Variants in NEB observed in about 807,000 individuals in gnomAD.
NEB encodes nebulin, also known as nemaline myopathy type 2.
NEB carries 512 observed loss-of-function variants against 952.2 expected under a neutral mutation model. The ratio of observed to expected loss-of-function variants is 0.54; its 90% CI spans 0.50 to 0.58. The LOEUF (loss-of-function observed/expected upper bound fraction) is 0.58, where lower values mean the gene tolerates loss of function less well. Among genes scored for constraint, NEB ranks in the 20% least tolerant of loss-of-function variants. The probability of loss-of-function intolerance (pLI) is 0.00; values close to 1 mark genes in which losing one functional copy is unlikely to be tolerated. For synonymous variants in NEB, 2,900 were observed against 3,149.8 expected, an observed-to-expected ratio of 0.92 and a Z score of 2.66; for missense variants, 8,428 against 9,231.1, an observed-to-expected ratio of 0.91 and a Z score of 3.56.
chr2:151,560,137 TAAAC>T (rs2095936809), intron 124 of NEB, among the ~76,000 whole-genome samples: 1 of 152,218 alleles, frequency 6.6e-6, no homozygotes, highest in Non-Finnish European at 1.5e-5. Flanking sequence ...AAAGGAGAAT[TAAAC>T]AATTTTTAAA....
At chr2:151,514,505 AAC>A in intron 158 of NEB, 77 bp from the exon 159 acceptor site, 1 of 1,175,774 alleles carries the variant, frequency 8.5e-7, no homozygotes, top group Non-Finnish European at 1.3e-6. Flanking sequence ...GAAAATAAAA[AAC>A]AATTCCAATT....
chr2:151,571,611 T>C (rs2096630726), intron 107 of NEB, among the ~76,000 whole-genome samples: 1 of 152,222 alleles, frequency 6.6e-6, no homozygotes, highest in African/African-American at 2.4e-5. Context: ...GATCTTCCGC[T>C]GAAGCATGAT....
Position 151,489,971 on chromosome 2 carries a change from T to A in NEB, c.25404A>T (p.Gly8468=). The change falls in exon 181 of 182, where the codon GGA becomes GGT. Residue 8468 remains glycine, a splice_region_variant and synonymous_variant. Coordinates refer to ENST00000397345, the MANE Select transcript of NEB (RefSeq NM_001164508.2). ...SSIPSHPSTA[G]KIFRAMYDYM... Reference sequence around the variant, plus strand: ...TTTAAGTGAGTTGTTATTCACTTACTCCAGCAGTAGATGGATGAGATGGGA... The same window carrying A: ...TTTAAGTGAGTTGTTATTCACTTACACCAGCAGTAGATGGATGAGATGGGA... The A allele has an allele frequency of 6.3e-7, 1 of 1,578,230 alleles. No homozygotes were observed. The highest frequency in any genetic ancestry group is 1.1e-5 in the South Asian group (1 of 90,324).
At chr2:151,650,907 C>A in intron 52 of NEB, 22 bp from the exon 53 acceptor site, 1 of 1,582,016 alleles carries the variant, frequency 6.3e-7, no homozygotes, top group Non-Finnish European at 8.6e-7. Flanking sequence ...GAAAACACAG[C>A]TCTTTTAGTA....
rs111753971 is a variant in NEB, at chr2:151,648,188, T to C, written c.7432-1954A>G. 4.1e-3 allele frequency among the ~76,000 whole-genome samples: 631 copies of C among 152,340 alleles called. 9 individuals carry two copies. Among genetic ancestry groups the C allele is most frequent in the African/African-American group, 0.014 (589 of 41,584 alleles). ...TATTTTTTCAACTTTTCTGAGTGCC[T>C]GAAATTATTTCAATAAAAAATTTTT... On this transcript the variant is annotated intron_variant, in intron 54 of 181. Transcript: ENST00000397345.
chr2:151,609,915 G>T lies in NEB; in HGVS notation c.12224C>A (p.Thr4075Asn). Residue 4075 changes from threonine (T) to asparagine (N), a missense_variant, in exon 81 of 182, where the codon ACT becomes AAT. By Grantham distance (65) the Thr-to-Asn change is moderately conservative (BLOSUM62 0). Coordinates refer to ENST00000397345, the MANE Select transcript of NEB (RefSeq NM_001164508.2). ...LSILLAKKCQ[T>N]LVTDIDYRNY... ...GCGATAATCAATGTCAGTGACCAAA[G>T]TCTGACATTTCTTGGCCAGCAAGAT... The T allele has an allele frequency of 6.2e-7, 1 of 1,613,858 alleles. No individual in the cohort carries two copies. The highest frequency in any genetic ancestry group is 1.1e-5 in the South Asian group (1 of 91,068).
intron 29 of NEB, among the ~76,000 whole-genome samples, 165 bp from the exon 30 acceptor site, chr2:151,680,993 C>A (rs1484445087): frequency 3.9e-5 from 6 of 152,106 alleles, no homozygotes; most frequent in Non-Finnish European, 7.4e-5. Flanking sequence ...ATACAAAAGT[C>A]AATATCTTTA....
In NEB at chr2:151,667,809, T is replaced by C. The variant is rs1401060063; in HGVS notation, c.4714A>G (p.Ser1572Gly). 1 of 1,611,460 alleles carries C rather than the reference T, an allele frequency of 6.2e-7. No individual in the cohort carries two copies. Among genetic ancestry groups the C allele is most frequent in the Non-Finnish European group, 8.5e-7 (1 of 1,178,052 alleles). Residue 1572 changes from serine to glycine, a missense_variant, in exon 40 of 182, where the codon AGT becomes GGT. By Grantham distance (56) the Ser-to-Gly change is moderately conservative. Around this residue, in one of 11 missense-constraint regions of NEB, gnomAD observed 2,851 missense variants for 2,791.5 expected, o/e 1.02. Transcript: ENST00000397345. ...TACTTTTAAGTTAGACTTACATCAC[T>C]AGCAATATTCCTTGAACTTTTTGCA... Reference protein sequence around the residue: ...VAAKSSRNIASDCKYKEAYEK... With the variant: ...VAAKSSRNIAGDCKYKEAYEK...
At chr2:151,574,992 G>A (rs2153801958) in intron 107 of NEB, among the ~76,000 whole-genome samples, 1 of 152,218 alleles carries the variant, frequency 6.6e-6, no homozygotes, top group South Asian at 2.1e-4. Context: ...CTCTGGCCTT[G>A]ACCTCCCAAA....
chr2:151,503,500 C>T (rs1575338706), intron 165 of NEB, 59 bp from the exon 166 acceptor site: 11 of 1,157,572 alleles, frequency 9.5e-6, no homozygotes, highest in Non-Finnish European at 1.4e-5. Context: ...CTTTAGATAG[C>T]AGCCACATGT....
chr2:151,697,123 T>C, intron 16 of NEB, 25 bp downstream of exon 16: 1 of 1,555,852 alleles, frequency 6.4e-7, no homozygotes, highest in South Asian at 1.1e-5. Flanking sequence ...GGCAGTCACA[T>C]TCAAAGTTCA....
intron 13 of NEB, among the ~76,000 whole-genome samples, chr2:151,704,462 G>A (rs558259277): frequency 4.1e-5 from 6 of 147,260 alleles, no homozygotes; most frequent in East Asian, 2.0e-4. Context: ...CCCCAGCCTC[G>A]CTGCCGCCTT....
chr2:151,488,347 A>G (rs2052916198), intron 181 of NEB, among the ~76,000 whole-genome samples: 1 of 151,976 alleles, frequency 6.6e-6, no homozygotes, highest in Admixed American at 6.6e-5. Flanking sequence ...TTTCCCCTTT[A>G]TATTTTAAAA....
At chr2:151,490,137 G>A in intron 180 of NEB, 60 bp from the exon 181 acceptor site, 1 of 1,330,612 alleles carries the variant, frequency 7.5e-7, no homozygotes, top group Admixed American at 2.0e-5. Context: ...CCTTTAATCT[G>A]TGTTTAGCAG....
chr2:151,534,245 C>G lies in NEB; in HGVS notation c.21313-699G>C, dbSNP rs200792421. On this transcript the variant is annotated intron_variant, in intron 142 of 181. Coordinates refer to ENST00000397345, the MANE Select transcript of NEB (RefSeq NM_001164508.2). ...TGATCTGGTCGCCTGCGGTCTTAGC[C>G]AGCAGATGTCTAGGCTCATCGACTA... The G allele has an allele frequency of 3.8e-5, 61 of 1,613,664 alleles. No homozygotes were observed. In the African/African-American group the frequency reaches 7.1e-4, roughly 19 times the overall value.
At chr2:151,555,539 T>C (rs565538052) in intron 124 of NEB, among the ~76,000 whole-genome samples, 3 of 152,176 alleles carry the variant, frequency 2.0e-5, no homozygotes, top group South Asian at 2.1e-4. Context: ...AAAAATACAG[T>C]GCAATCAACT....
In NEB at chr2:151,656,323, T is replaced by G. The variant is rs578023308; in HGVS notation, c.6325A>C (p.Thr2109Pro). ...DREYKKNYEN[T>P]KTSYHTPADM... ...GCAGGGGTGTGGTAGCTGGTCTTTG[T>G]GTTCTCATAGTTTTTCTTGTACTCC... The change falls in exon 49 of 182, where the codon ACA (threonine) becomes CCA (proline). Residue 2109 changes from threonine (T) to proline (P), a missense_variant. Physicochemically the swap from Thr to Pro is conservative, Grantham distance 38. Around this residue, in one of 11 missense-constraint regions of NEB, gnomAD observed 2,851 missense variants for 2,791.5 expected, o/e 1.02. Transcript: ENST00000397345. The G allele has an allele frequency of 1.9e-6, 3 of 1,613,730 alleles. No individual in the cohort carries two copies. Among genetic ancestry groups the G allele is most frequent in the Admixed American group, 1.7e-5 (1 of 59,980 alleles).
intron 157 of NEB, among the ~76,000 whole-genome samples, chr2:151,515,317 G>GA (rs1258122446): frequency 2.6e-5 from 4 of 152,132 alleles, no homozygotes; most frequent in Non-Finnish European, 4.4e-5. Context: ...GAGGCAAGGG[G>GA]AAAAAAATCG....
At chr2:151,529,040 C>T (rs993030943) in intron 146 of NEB, among the ~76,000 whole-genome samples, 170 bp downstream of exon 146, 3 of 152,120 alleles carry the variant, frequency 2.0e-5, no homozygotes, top group African/African-American at 7.2e-5. Flanking sequence ...TTTGTGAGGA[C>T]CAATGCAGCA....
Sources: allele counts gnomAD v4.1 joint callset (sites outside exome capture counted in the v4.1 genomes callset), GRCh38; gene constraint gnomAD v4.1.1; regional missense constraint gnomAD v4.1.1; transcripts MANE v1.5; gene names NCBI Gene and HGNC (gene_info 2026-07-23, HGNC 2026-07-21).